Variants in NBAS observed in about 807,000 individuals in gnomAD.
NBAS encodes the protein NBAS subunit of NRZ tethering complex.
Under a neutral mutation model 302.5 loss-of-function variants are expected in NBAS, and 219 were observed. The ratio of observed to expected loss-of-function variants is 0.72; its 90% CI spans 0.65 to 0.81. The LOEUF is 0.81. NBAS is among the 30% of genes least tolerant of loss of function. NBAS has a pLI of 0.00. For missense variants in NBAS, 2,932 were observed against 2,841.6 expected, an observed-to-expected ratio of 1.03 and a Z score of -0.72; for synonymous variants, 1,118 against 1,021.6, an observed-to-expected ratio of 1.09 and a Z score of -1.80.
At chr2:15,467,542 T>C (rs1425421376) in intron 18 of NBAS, 122 bp downstream of exon 18, 12 of 1,271,486 alleles carry the variant, frequency 9.4e-6, no homozygotes, top group Admixed American at 1.9e-5. Context: ...GGTAAGATAA[T>C]AGTAAGTACA....
At position 15,498,947 on chromosome 2, in the gene NBAS, TG is replaced by T. The variant is rs1427807765; in HGVS notation, c.954+5197del. On this transcript the variant is annotated intron_variant, in intron 11 of 51. Coordinates refer to ENST00000281513, the MANE Select transcript of NBAS (RefSeq NM_015909.4). ...GGAGTTACTTTTTTTTTTTTTTTTT[TG>T]AGACAGTCTTGCTCCATCGCCCAGG... Among the ~76,000 whole-genome samples the T allele has an allele frequency of 2.6e-4, 28 of 108,432 alleles. 1 individual carries two copies. In the East Asian group the frequency reaches 5.6e-3, roughly 22 times the overall value. 71.1% of individuals were successfully genotyped at this position (108,432 alleles called of 152,430 possible).
At chr2:15,413,868 C>T (rs890626653) in intron 25 of NBAS, among the ~76,000 whole-genome samples, 1 of 152,138 alleles carries the variant, frequency 6.6e-6, no homozygotes, top group Non-Finnish European at 1.5e-5. Flanking sequence ...TTTTGAGATT[C>T]ACATGTTTCA....
At chr2:15,312,821 T>G (rs1473844827) in intron 38 of NBAS, among the ~76,000 whole-genome samples, 1 of 152,228 alleles carries the variant, frequency 6.6e-6, no homozygotes, top group Admixed American at 6.5e-5. Flanking sequence ...CTGCCAGCAC[T>G]TGGTTCCTCG....
At chr2:15,082,648 A>G in the NBAS span, among the ~76,000 whole-genome samples, 262 of 152,240 alleles carry the variant, frequency 1.7e-3, 1 homozygote, top group African/African-American at 5.4e-3. Context: ...CAGAGCCCCC[A>G]AGGAGGCAGG....
At chr2:14,979,257 G>A in the NBAS span, among the ~76,000 whole-genome samples, 1 of 152,170 alleles carries the variant, frequency 6.6e-6, no homozygotes, top group African/African-American at 2.4e-5. Flanking sequence ...GGAAAGATAA[G>A]GAGATAGCTT....
chr2:15,174,620 T>C (rs903709142), intron 51 of NBAS, among the ~76,000 whole-genome samples: 7 of 152,236 alleles, frequency 4.6e-5, no homozygotes, highest in African/African-American at 1.2e-4. Context: ...GCTAATATTA[T>C]ATGCCTCAAG....
the NBAS span, among the ~76,000 whole-genome samples, chr2:14,986,268 G>A: frequency 2.0e-5 from 3 of 151,762 alleles, no homozygotes; most frequent in Non-Finnish European, 4.4e-5. Context: ...AAAAAGATAT[G>A]GATTGAAATG....
intron 40 of NBAS, among the ~76,000 whole-genome samples, chr2:15,298,925 A>T (rs1215281533): frequency 2.0e-5 from 3 of 152,142 alleles, no homozygotes; most frequent in Non-Finnish European, 4.4e-5. Context: ...GACTCAAGCC[A>T]CCTGGCTTCC....
chr2:15,534,811 C>T (rs1015552358), intron 8 of NBAS, among the ~76,000 whole-genome samples, 170 bp from the exon 9 acceptor site: 1 of 152,214 alleles, frequency 6.6e-6, no homozygotes, highest in East Asian at 1.9e-4. Context: ...TTGATAAAAC[C>T]ACTTGGTAAA....
intron 9 of NBAS, among the ~76,000 whole-genome samples, chr2:15,528,637 G>A (rs981499901): frequency 3.3e-5 from 5 of 149,544 alleles, no homozygotes; most frequent in African/African-American, 1.2e-4. Flanking sequence ...GGAGGCTGAG[G>A]CGGGAGGATG....
At chr2:14,832,238 T>G in the NBAS span, among the ~76,000 whole-genome samples, 1 of 152,220 alleles carries the variant, frequency 6.6e-6, no homozygotes, top group Non-Finnish European at 1.5e-5. Context: ...AAGGAGCACC[T>G]GGCTAAATAG....
chr2:14,956,879 C>T, the NBAS span, among the ~76,000 whole-genome samples: 233 of 152,078 alleles, frequency 1.5e-3, no homozygotes, highest in African/African-American at 4.8e-3. Flanking sequence ...AGGTATGCTC[C>T]CCCAAAATTC....
the NBAS span, among the ~76,000 whole-genome samples, chr2:14,991,006 T>C: frequency 2.3e-4 from 35 of 152,014 alleles, no homozygotes; most frequent in African/African-American, 8.4e-4. Flanking sequence ...GAGTGGGAGT[T>C]TGACAGCTGG....
intron 44 of NBAS, among the ~76,000 whole-genome samples, chr2:15,270,447 G>A (rs1384194182): frequency 6.6e-6 from 1 of 152,120 alleles, no homozygotes; most frequent in Non-Finnish European, 1.5e-5. Context: ...ACAGGCATGA[G>A]CCACCATGCC....
chr2:15,055,285 A>T, the NBAS span, among the ~76,000 whole-genome samples: 8 of 152,220 alleles, frequency 5.3e-5, no homozygotes, highest in East Asian at 3.9e-4. Flanking sequence ...CTGCTGAAGG[A>T]TCTGGAAGAG....
intron 6 of NBAS, among the ~76,000 whole-genome samples, chr2:15,541,788 C>A (rs535061657): frequency 8.6e-6 from 1 of 116,600 alleles, no homozygotes; most frequent in African/African-American, 3.2e-5. Context: ...CCAGTCGCCC[C>A]GTCCGGGAGG....
At chr2:15,416,258 A>G (rs1463181033) in intron 24 of NBAS, among the ~76,000 whole-genome samples, 1 of 152,064 alleles carries the variant, frequency 6.6e-6, no homozygotes, top group Non-Finnish European at 1.5e-5. Flanking sequence ...AAAGTCAGGA[A>G]TCTCTCCCTT....
At chr2:15,528,403 T>C (rs900213710) in intron 9 of NBAS, among the ~76,000 whole-genome samples, 2 of 147,840 alleles carry the variant, frequency 1.4e-5, no homozygotes, top group Non-Finnish European at 3.0e-5. Context: ...AATATGAATG[T>C]TTATATTATT....
chr2:15,376,640 C>G, intron 30 of NBAS, among the ~76,000 whole-genome samples: 1 of 151,930 alleles, frequency 6.6e-6, no homozygotes. Flanking sequence ...TACTTTTAAG[C>G]GTTGCTAGGT....
Sources: allele counts gnomAD v4.1 joint callset (sites outside exome capture counted in the v4.1 genomes callset), GRCh38; gene constraint gnomAD v4.1.1; transcripts MANE v1.5; gene names NCBI Gene and HGNC (gene_info 2026-07-23, HGNC 2026-07-21).